AKAP6: variants seen among roughly 807,000 people sequenced by gnomAD.
AKAP6 encodes the protein A-kinase anchor protein 6.
AKAP6 carries 58 observed loss-of-function variants against 188.5 expected under a neutral mutation model. The ratio of observed to expected loss-of-function variants is 0.31; its 90% CI spans 0.25 to 0.38. The LOEUF is 0.38. AKAP6 is among the 10% of genes least tolerant of loss of function. The probability of loss-of-function intolerance (pLI) is 1.00; values close to 1 mark genes in which losing one functional copy is unlikely to be tolerated. For missense variants in AKAP6, 2,710 were observed against 2,740.0 expected (o/e 0.99, Z 0.24); for synonymous variants, 989 against 998.6 (o/e 0.99, Z 0.18).
At chr14:32,677,403 T>C (rs1889478866) in intron 7 of AKAP6, among the ~76,000 whole-genome samples, 1 of 152,148 alleles carries the variant, frequency 6.6e-6, no homozygotes, top group African/African-American at 2.4e-5. Context: ...AAAGTAGAGA[T>C]TTCAAGGTTT....
chr14:32,718,182 T>C lies in AKAP6; in HGVS notation c.3001-14272T>C, dbSNP rs78572829. ...CTGACCTTGGGCAAGTCACTTAGCT[T>C]CTATGTATCAATTTTTTATCTGTAA... On this transcript the variant is annotated intron_variant, in intron 9 of 13. Coordinates refer to ENST00000280979, the MANE Select transcript of AKAP6 (RefSeq NM_004274.5). The C allele has an allele frequency of 5.4e-4, 309 of 576,636 alleles. 1 individual carries two copies. The African/African-American group carries it at 5.4e-3, about 10-fold the overall frequency. The allele number at this position is 576,636 out of a possible 1,614,324, so 35.7% of individuals were successfully genotyped here.
chr14:32,718,801 T>C (rs187676613), intron 9 of AKAP6, among the ~76,000 whole-genome samples: 4 of 152,324 alleles, frequency 2.6e-5, no homozygotes, highest in African/African-American at 7.2e-5. Context: ...ATCTGGCATA[T>C]ATTTCAACAG....
chr14:32,761,608 C>T (rs572602253), intron 11 of AKAP6, among the ~76,000 whole-genome samples: 3 of 152,200 alleles, frequency 2.0e-5, no homozygotes, highest in Non-Finnish European at 2.9e-5. Context: ...TGAGTCAGGT[C>T]GCCTGTGTGT....
At chr14:32,641,665 G>A (rs1166223955) in intron 7 of AKAP6, among the ~76,000 whole-genome samples, 1 of 151,828 alleles carries the variant, frequency 6.6e-6, no homozygotes, top group Non-Finnish European at 1.5e-5. Context: ...AATTTCATGT[G>A]GTCCCTAAAT....
intron 4 of AKAP6, among the ~76,000 whole-genome samples, chr14:32,560,364 G>A (rs751264408): frequency 1.5e-4 from 23 of 152,146 alleles, no homozygotes; most frequent in Admixed American, 4.6e-4. Flanking sequence ...ATTCCTTGCT[G>A]TTTAACATTA....
chr14:32,610,950 T>C (rs981696986), intron 7 of AKAP6, among the ~76,000 whole-genome samples: 2 of 152,140 alleles, frequency 1.3e-5, no homozygotes, highest in African/African-American at 4.8e-5. Flanking sequence ...TTTTTAATGA[T>C]TGAATTTGGT....
intron 9 of AKAP6, among the ~76,000 whole-genome samples, chr14:32,725,015 A>AAAAAAAAAAAAG: frequency 1.3e-5 from 2 of 150,118 alleles, no homozygotes; most frequent in Non-Finnish European, 3.0e-5. Context: ...AAAAAAAAAA[A>AAAAAAAAAAAAG]AACAATTTTC....
chr14:32,375,692 C>T (rs570737992), intron 1 of AKAP6, among the ~76,000 whole-genome samples: 10 of 152,016 alleles, frequency 6.6e-5, no homozygotes, highest in Non-Finnish European at 1.3e-4. Context: ...ATGGGCTCAT[C>T]GAATCCTTCC....
At chr14:32,791,262 G>A (rs1171420819) in intron 12 of AKAP6, among the ~76,000 whole-genome samples, 1 of 152,020 alleles carries the variant, frequency 6.6e-6, no homozygotes, top group African/African-American at 2.4e-5. Context: ...TATTTCTCCA[G>A]AGCCTCTCCA....
At chr14:32,530,853 C>G (rs1362641863) in intron 2 of AKAP6, among the ~76,000 whole-genome samples, 2 of 152,014 alleles carry the variant, frequency 1.3e-5, no homozygotes, top group East Asian at 3.9e-4. Flanking sequence ...AAAAGGTACC[C>G]CTCTCACATA....
intron 7 of AKAP6, among the ~76,000 whole-genome samples, chr14:32,613,037 T>C (rs1886418360): frequency 6.6e-6 from 1 of 152,224 alleles, no homozygotes; most frequent in Non-Finnish European, 1.5e-5. Flanking sequence ...CACATCCTTC[T>C]AGTAAATGAT....
chr14:32,360,139 T>G (rs1887611188), intron 1 of AKAP6, among the ~76,000 whole-genome samples: 1 of 149,866 alleles, frequency 6.7e-6, no homozygotes, highest in African/African-American at 2.5e-5. Context: ...TTTTCTTTTT[T>G]TTTTTCGAGA....
intron 9 of AKAP6, among the ~76,000 whole-genome samples, chr14:32,700,998 A>G (rs1890599201): frequency 6.6e-6 from 1 of 152,192 alleles, no homozygotes; most frequent in African/African-American, 2.4e-5. Flanking sequence ...ACTTTCAGAG[A>G]ATTTATACTA....
At chr14:32,637,704 G>A (rs951788549) in intron 7 of AKAP6, among the ~76,000 whole-genome samples, 1 of 152,040 alleles carries the variant, frequency 6.6e-6, no homozygotes, top group Admixed American at 6.6e-5. Context: ...AAGAATAAGT[G>A]CATTAACAAT....
rs1884320227 is a variant in AKAP6, at chr14:32,568,707, T to C, written c.2347-8413T>C. Among the ~76,000 whole-genome samples, 1 of 152,136 alleles carries C rather than the reference T, an allele frequency of 6.6e-6. No homozygotes were observed. The highest frequency in any genetic ancestry group is 1.5e-5 in the Non-Finnish European group (1 of 68,028). On this transcript the variant is annotated intron_variant, in intron 4 of 13. Transcript: ENST00000280979. This position sits in a 1 kb window ranked among gnomAD's most constrained non-coding sequence, Gnocchi z 6.2. ...CTTCATACCTGACAATGTTGGGAGC[T>C]TGTAAAGTGTTTGATCTTGTCTGTG...
intron 11 of AKAP6, among the ~76,000 whole-genome samples, chr14:32,765,867 A>T (rs756330526): frequency 5.3e-5 from 8 of 152,200 alleles, no homozygotes; most frequent in Non-Finnish European, 1.0e-4. Context: ...TTGTATAATC[A>T]TTTATGGGGT....
rs376508746 is a variant in AKAP6 at position 32,581,463 on chromosome 14, A to G, written c.2469+4221A>G. On this transcript the variant is annotated intron_variant, in intron 5 of 13. Coordinates refer to ENST00000280979, the MANE Select transcript of AKAP6 (RefSeq NM_004274.5). ...TATGGTGTGGTGCTGAAAAAAATGT[A>G]TATTCTGTTGATTTGGGGTGGAGAG... 2.1e-4 allele frequency among the ~76,000 whole-genome samples: 32 copies of G among 152,118 alleles called. No individual in the cohort carries two copies. The South Asian group carries it at 6.4e-3, about 31-fold the overall frequency.
chr14:32,587,589 G>A (rs960130829), intron 5 of AKAP6, among the ~76,000 whole-genome samples: 3 of 152,142 alleles, frequency 2.0e-5, no homozygotes, highest in African/African-American at 7.2e-5. Flanking sequence ...GCTAGGTGGG[G>A]GTAGTTAAGA....
intron 12 of AKAP6, among the ~76,000 whole-genome samples, chr14:32,782,772 G>A (rs1321055123): frequency 3.3e-5 from 5 of 151,996 alleles, no homozygotes; most frequent in South Asian, 2.1e-4. Context: ...TAAATTAATA[G>A]TGGACTATAC....
Sources: allele counts gnomAD v4.1 joint callset (sites outside exome capture counted in the v4.1 genomes callset), GRCh38; gene constraint gnomAD v4.1.1; non-coding constraint Gnocchi (gnomAD v3.1); transcripts MANE v1.5; gene names NCBI Gene and HGNC (gene_info 2026-07-23, HGNC 2026-07-21).